TRIP11: variants seen among roughly 807,000 people sequenced by gnomAD.
The protein encoded by TRIP11 is thyroid hormone receptor interactor 11.
In TRIP11, 148 loss-of-function variants were observed where a neutral mutation model predicts 223.1. The ratio of observed to expected loss-of-function variants is 0.66; its 90% CI spans 0.58 to 0.76. The LOEUF (loss-of-function observed/expected upper bound fraction) is 0.76. TRIP11 is among the 30% of genes least tolerant of loss of function. TRIP11 has a pLI of 0.00. For missense variants in TRIP11, 2,043 were observed against 2,222.0 expected (o/e 0.92, Z 1.62); for synonymous variants, 762 against 772.6 (o/e 0.99, Z 0.23).
In TRIP11 at chr14:91,975,203, A is replaced by G; in HGVS notation, c.5426T>C (p.Ile1809Thr). The G allele has an allele frequency of 1.2e-6, 2 of 1,613,734 alleles. No homozygotes were observed. Among genetic ancestry groups the G allele is most frequent in the South Asian group, 1.1e-5 (1 of 91,068 alleles). ...RHEVLRLMGSILGVRREEMEQ... is the reference protein window; with the variant it reads ...RHEVLRLMGSTLGVRREEMEQ... ...CATCTCCTCCCTTCTGACGCCCAGG[A>G]TGCTCCCCATTAACCGTAACACTTC... The change falls in exon 18 of 21, where the codon ATC becomes ACC. Residue 1809 changes from isoleucine to threonine, a missense_variant. Ile to Thr is a moderately conservative substitution (Grantham distance 89, BLOSUM62 -1). Coordinates refer to ENST00000267622, the MANE Select transcript of TRIP11 (RefSeq NM_004239.4).
intron 15 of TRIP11, 82 bp from the exon 16 acceptor site, chr14:91,988,465 C>G: frequency 8.2e-7 from 1 of 1,223,882 alleles, no homozygotes. Flanking sequence ...TTAGAGTCAA[C>G]CTCTACATTT....
chr14:91,996,524 A>G (rs1372246156), intron 13 of TRIP11, among the ~76,000 whole-genome samples: 1 of 152,232 alleles, frequency 6.6e-6, no homozygotes, highest in Non-Finnish European at 1.5e-5. Flanking sequence ...CCTGGGCGAC[A>G]GAGTGAGATC....
intron 4 of TRIP11, 126 bp from the exon 5 acceptor site, chr14:92,017,876 A>G (rs1595399277): frequency 2.6e-6 from 2 of 765,802 alleles, no homozygotes; most frequent in East Asian, 5.4e-5. Context: ...CCGACTAAAG[A>G]ATGCCATGGA....
At chr14:91,973,716 C>T (rs1049549415) in intron 19 of TRIP11, among the ~76,000 whole-genome samples, 2 of 152,114 alleles carry the variant, frequency 1.3e-5, no homozygotes, top group Non-Finnish European at 2.9e-5. Context: ...ACCTATCCTT[C>T]GTGTCCTCTT....
intron 4 of TRIP11, among the ~76,000 whole-genome samples, chr14:92,019,850 A>G (rs2057087497): frequency 6.6e-6 from 1 of 152,256 alleles, no homozygotes; most frequent in African/African-American, 2.4e-5. Context: ...TATTACTTAA[A>G]ATAGTGTATA....
chr14:92,020,345 T>C (rs1054489999), intron 4 of TRIP11, among the ~76,000 whole-genome samples: 1 of 151,994 alleles, frequency 6.6e-6, no homozygotes, highest in Non-Finnish European at 1.5e-5. Flanking sequence ...GAGATATTCA[T>C]CCTGTATAAA....
At chr14:91,974,595 T>A in intron 19 of TRIP11, 32 bp downstream of exon 19, 1 of 1,503,938 alleles carries the variant, frequency 6.6e-7, no homozygotes, top group Non-Finnish European at 9.2e-7. Flanking sequence ...ATTTTACTAT[T>A]CACCTTAAGC....
Position 92,021,770 on chromosome 14 carries a change from T to G in TRIP11, c.374A>C (p.Gln125Pro), listed in dbSNP as rs781454846. The G allele has an allele frequency of 9.3e-6, 15 of 1,614,088 alleles. No homozygotes were observed. The highest frequency in any genetic ancestry group is 3.3e-5 in the Admixed American group (2 of 59,992). Reference sequence around the variant, plus strand: ...TGAAGGTACTGACTGAGCAGCTGACTGCAGTTTCAGCAACTGATCCTGGAG... The same window carrying G: ...TGAAGGTACTGACTGAGCAGCTGACGGCAGTTTCAGCAACTGATCCTGGAG... ...IALQDQLLKL[Q>P]SAAQSVPSGA... The change falls in exon 4 of 21, where the codon CAG becomes CCG. Residue 125 changes from glutamine (Q) to proline (P), a missense_variant. Transcript: ENST00000267622.
At chr14:92,038,978 G>A (rs2057353903) in intron 1 of TRIP11, among the ~76,000 whole-genome samples, 1 of 152,020 alleles carries the variant, frequency 6.6e-6, no homozygotes, top group African/African-American at 2.4e-5. Flanking sequence ...GGGCGAAATG[G>A]GCGATTATAC....
chr14:92,022,274 T>C (rs1223079276), intron 3 of TRIP11, among the ~76,000 whole-genome samples: 1 of 152,230 alleles, frequency 6.6e-6, no homozygotes, highest in Non-Finnish European at 1.5e-5. Flanking sequence ...TATGGCTGGA[T>C]GTAGGCTTAA....
At position 91,978,136 on chromosome 14, in the gene TRIP11, C is replaced by T. The variant is rs1228624351; in HGVS notation, c.5261-1947G>A. Among the ~76,000 whole-genome samples the T allele has an allele frequency of 1.3e-5, 2 of 152,118 alleles. No individual in the cohort carries two copies. The highest frequency in any genetic ancestry group is 4.8e-5 in the African/African-American group (2 of 41,414). ...AGACACTTTAGATTCCTAATGTGCA[C>T]ATGTATACTACTAGCACATGGTGTT... is the stretch of plus-strand genomic sequence containing the variant. On this transcript the variant is annotated intron_variant, in intron 16 of 20. Transcript: ENST00000267622. This position sits in a 1 kb window ranked among gnomAD's most constrained non-coding sequence, Gnocchi z 4.4.
chr14:91,996,513 G>C (rs1437937466), intron 13 of TRIP11, among the ~76,000 whole-genome samples: 1 of 152,130 alleles, frequency 6.6e-6, no homozygotes, highest in African/African-American at 2.4e-5. Context: ...CTGTACTCTA[G>C]CCTGGGCGAC....
Position 92,006,404 on chromosome 14 carries a change from T to G in TRIP11, c.1572A>C (p.Glu524Asp). 6.2e-7 allele frequency: 1 copy of G among 1,613,210 alleles called. No individual in the cohort carries two copies. Reference sequence around the variant, plus strand: ...TCAGTTTACTGATGATGCTATCTCCTTCATTTTGTTGTTTTGATAGCTGAT... The same window carrying G: ...TCAGTTTACTGATGATGCTATCTCCGTCATTTTGTTGTTTTGATAGCTGAT... The part of the protein sequence containing the change: ...IKDQLSKQQN[E>D]GDSIISKLKQ... The change falls in exon 11 of 21, where the codon GAA (glutamate) becomes GAC (aspartate). Residue 524 changes from glutamate to aspartate, a missense_variant. By Grantham distance (45) the Glu-to-Asp change is conservative. Coordinates refer to ENST00000267622, the MANE Select transcript of TRIP11 (RefSeq NM_004239.4).
rs527579732 is a variant in TRIP11 at position 91,967,330 on chromosome 14, G to C, written c.*2343C>G. ...ATTTTTGTATTTTTAGTAGAGATGG[G>C]GTTTCACCATGTTGGCCAGGCTGGT... On this transcript the variant is annotated 3_prime_UTR_variant, in exon 21 of 21. Transcript: ENST00000267622. 9.8e-5 allele frequency: 17 copies of C among 173,820 alleles called. No individual in the cohort carries two copies. The highest frequency in any genetic ancestry group is 1.7e-4 in the Non-Finnish European group (14 of 80,634). The allele number at this position is 173,820 out of a possible 1,614,324, so 10.8% of individuals were successfully genotyped here. A position where few individuals can be genotyped will look rare whatever the true frequency, so the allele number is the denominator to read the frequency against.
chr14:92,010,356 C>T (rs951157869), intron 9 of TRIP11, among the ~76,000 whole-genome samples: 1 of 152,076 alleles, frequency 6.6e-6, no homozygotes, highest in Non-Finnish European at 1.5e-5. Context: ...CATGGAGAAA[C>T]CCCGTCTCCA....
In TRIP11 at chr14:92,039,821, G is replaced by T; in HGVS notation, c.-136C>A. 1 of 1,534,668 alleles carries T rather than the reference G, an allele frequency of 6.5e-7. No homozygotes were observed. Among genetic ancestry groups the T allele is most frequent in the Non-Finnish European group, 8.8e-7 (1 of 1,136,832 alleles). On this transcript the variant is annotated 5_prime_UTR_variant, in exon 1 of 21. Coordinates refer to ENST00000267622, the MANE Select transcript of TRIP11 (RefSeq NM_004239.4). The stretch of plus-strand genomic sequence containing the variant: ...CGATAACACAAAGCTGGGTTCTCAG[G>T]CAAGGCCGACTCCAGGTTCTGCCTA...
At chr14:92,012,327 A>G (rs2056982716) in intron 7 of TRIP11, among the ~76,000 whole-genome samples, 1 of 152,232 alleles carries the variant, frequency 6.6e-6, no homozygotes, top group Non-Finnish European at 1.5e-5. Context: ...ACACAGCTGA[A>G]ATCATTGATT....
At chr14:92,011,817 T>G (rs1163208897) in intron 7 of TRIP11, 22 bp from the exon 8 acceptor site, 11 of 1,608,260 alleles carry the variant, frequency 6.8e-6, no homozygotes, top group Middle Eastern at 1.7e-4. Flanking sequence ...GCAAATGAAC[T>G]TGACATTAAA....
intron 10 of TRIP11, among the ~76,000 whole-genome samples, chr14:92,007,316 G>A (rs564748573): frequency 3.1e-4 from 47 of 152,248 alleles, no homozygotes; most frequent in African/African-American, 1.1e-3. Flanking sequence ...GAGCCACTGC[G>A]CCCGGCATGT....
Sources: gnomAD v4.1 joint callset for allele counts (sites outside exome capture counted in the v4.1 genomes callset) on GRCh38, gnomAD v4.1.1 for gene constraint, Gnocchi (gnomAD v3.1) non-coding constraint, MANE v1.5 for transcripts, NCBI Gene and HGNC (gene_info 2026-07-23, HGNC 2026-07-21) for gene names.